The following FLVCR2 variants were observed in gnomAD, a reference collection of about 807,000 sequenced individuals.
FLVCR2 encodes FLVCR choline and putative heme transporter 2.
FLVCR2 carries 38 observed loss-of-function variants against 48.9 expected under a neutral mutation model. The observed-to-expected ratio is 0.78, with a 90% CI of 0.60 to 1.02. FLVCR2 has a LOEUF of 1.02. Among genes scored for constraint, FLVCR2 ranks in the 50% least tolerant of loss-of-function variants. The pLI, the probability that FLVCR2 is intolerant of heterozygous loss-of-function variation, is 0.00. For synonymous variants in FLVCR2, 255 were observed against 257.0 expected (o/e 0.99, Z 0.07); for missense variants, 664 against 663.3 (o/e 1.00, Z -0.01).
intron 1 of FLVCR2, among the ~76,000 whole-genome samples, chr14:75,583,291 G>C (rs1169300271): frequency 6.6e-6 from 1 of 152,154 alleles, no homozygotes; most frequent in Admixed American, 6.5e-5. Context: ...AACCTGGAAG[G>C]CTTGTCCGGT....
intron 1 of FLVCR2, among the ~76,000 whole-genome samples, chr14:75,594,120 A>G (rs1888959069): frequency 6.6e-6 from 1 of 152,348 alleles, no homozygotes; most frequent in East Asian, 1.9e-4. Flanking sequence ...TTGCAAGTAG[A>G]TAACAAGAAT....
At chr14:75,608,165 C>A (rs767069581) in intron 1 of FLVCR2, among the ~76,000 whole-genome samples, 1 of 152,204 alleles carries the variant, frequency 6.6e-6, no homozygotes, top group Non-Finnish European at 1.5e-5. Context: ...GGGGGCCATG[C>A]CCTCCATGTA....
chr14:75,581,738 C>T (rs944339459), intron 1 of FLVCR2, among the ~76,000 whole-genome samples: 5 of 152,092 alleles, frequency 3.3e-5, no homozygotes, highest in Admixed American at 6.5e-5. Flanking sequence ...CAGTCCTGGG[C>T]GGGGGCAAAT....
intron 1 of FLVCR2, among the ~76,000 whole-genome samples, chr14:75,621,579 C>A (rs1889767620): frequency 6.6e-6 from 1 of 152,162 alleles, no homozygotes; most frequent in Admixed American, 6.5e-5. Flanking sequence ...ACACAATAAA[C>A]TGAAGCTTCC....
intron 2 of FLVCR2, among the ~76,000 whole-genome samples, chr14:75,624,329 G>C (rs1174818673): frequency 6.6e-6 from 1 of 151,922 alleles, no homozygotes; most frequent in East Asian, 1.9e-4. Context: ...CGCCAGCCTG[G>C]GTGACAGAGC....
chr14:75,600,769 A>G (rs1889144378), intron 1 of FLVCR2, among the ~76,000 whole-genome samples: 1 of 152,334 alleles, frequency 6.6e-6, no homozygotes, highest in Non-Finnish European at 1.5e-5. Context: ...GGATGCTATT[A>G]ACAGACTAAA....
chr14:75,645,607 A>ACTGCATGT (rs1199007747), intron 9 of FLVCR2, among the ~76,000 whole-genome samples: 20 of 152,166 alleles, frequency 1.3e-4, no homozygotes, highest in Admixed American at 1.0e-3. Flanking sequence ...TTTGGCATCT[A>ACTGCATGT]CTGCATGTTC....
At chr14:75,627,786 C>T (rs529461415) in intron 3 of FLVCR2, among the ~76,000 whole-genome samples, 1 of 152,294 alleles carries the variant, frequency 6.6e-6, no homozygotes, top group African/African-American at 2.4e-5. Flanking sequence ...GAACAAGAGG[C>T]TGCCTGAAAA....
chr14:75,585,579 T>C (rs1302077922), intron 1 of FLVCR2, among the ~76,000 whole-genome samples: 3 of 151,968 alleles, frequency 2.0e-5, no homozygotes, highest in Admixed American at 6.6e-5. Context: ...AGCCCTGGGC[T>C]GTAATGTGGG....
chr14:75,642,977 G>A (rs575248769), intron 9 of FLVCR2, among the ~76,000 whole-genome samples: 6 of 152,150 alleles, frequency 3.9e-5, no homozygotes, highest in South Asian at 2.1e-4. Flanking sequence ...TTCTCATGCC[G>A]CAGTCTCCCA....
Position 75,622,127 on chromosome 14 carries a change from A to G in FLVCR2, c.718A>G (p.Ile240Val). Residue 240 changes from isoleucine to valine, a missense_variant, in exon 2 of 10, where the codon ATT (isoleucine) becomes GTT (valine). Ile to Val is a conservative substitution (Grantham distance 29). Transcript: ENST00000238667. The part of the protein sequence containing the change: ...FLVPPVLVPN[I>V]EDRDELAYHI... ...GGTCCCTCCTGTTTTGGTACCCAAC[A>G]TTGAAGACCGGGACGAGCTTGCCTA... 2.5e-6 allele frequency: 4 copies of G among 1,614,150 alleles called. No homozygotes were observed. Among genetic ancestry groups the G allele is most frequent in the Middle Eastern group, 1.6e-4 (1 of 6,062 alleles).
chr14:75,622,012 CTT>C (rs1889779285), intron 1 of FLVCR2, 65 bp from the exon 2 acceptor site: 1 of 1,509,766 alleles, frequency 6.6e-7, no homozygotes, highest in African/African-American at 1.4e-5. Flanking sequence ...TTAGGAATCT[CTT>C]TACATTTGTG....
At chr14:75,585,175 GAACA>G (rs1364446384) in intron 1 of FLVCR2, among the ~76,000 whole-genome samples, 1 of 152,274 alleles carries the variant, frequency 6.6e-6, no homozygotes, top group East Asian at 1.9e-4. Flanking sequence ...GAGACTGAAG[GAACA>G]GACAGGAGAG....
intron 2 of FLVCR2, among the ~76,000 whole-genome samples, chr14:75,623,171 AG>A (rs1480475361): frequency 1.4e-4 from 22 of 151,998 alleles, no homozygotes; most frequent in African/African-American, 4.4e-4. Context: ...TAGTAGAGAC[AG>A]GGTTTCACTA....
intron 1 of FLVCR2, among the ~76,000 whole-genome samples, chr14:75,618,366 C>G (rs962108163): frequency 9.2e-5 from 14 of 152,090 alleles, no homozygotes; most frequent in Admixed American, 3.9e-4. Context: ...TGTTATGGGA[C>G]AAGTTTGGGA....
chr14:75,585,557 G>C (rs748240190), intron 1 of FLVCR2, among the ~76,000 whole-genome samples: 1 of 152,160 alleles, frequency 6.6e-6, no homozygotes, highest in Non-Finnish European at 1.5e-5. Context: ...CACAGAGAAG[G>C]GGGTGGGGAG....
At chr14:75,605,485 C>T in intron 1 of FLVCR2, 2 of 1,520,984 alleles carry the variant, frequency 1.3e-6, no homozygotes, top group Non-Finnish European at 1.8e-6. Flanking sequence ...GACTTGATTA[C>T]AGGCATCTTT....
In FLVCR2 at chr14:75,578,965, C is replaced by G; in HGVS notation, c.-8C>G. 6.2e-7 allele frequency: 1 copy of G among 1,614,058 alleles called. No homozygotes were observed. The highest frequency in any genetic ancestry group is 8.5e-7 in the Non-Finnish European group (1 of 1,179,908). ...CACTTCTCCAGGATTCCAGAGGAGA[C>G]TGTGGCGATGGTGAATGAAGGTCCC... On this transcript the variant is annotated 5_prime_UTR_variant, in exon 1 of 10. Coordinates refer to ENST00000238667, the MANE Select transcript of FLVCR2 (RefSeq NM_017791.3).
At chr14:75,644,741 G>A (rs1890380726) in intron 9 of FLVCR2, among the ~76,000 whole-genome samples, 1 of 152,112 alleles carries the variant, frequency 6.6e-6, no homozygotes, top group Non-Finnish European at 1.5e-5. Context: ...CATGGCAGCT[G>A]GTGTAACTCA....
Sources: gnomAD v4.1 joint callset for allele counts (sites outside exome capture counted in the v4.1 genomes callset) on GRCh38, gnomAD v4.1.1 for gene constraint, MANE v1.5 for transcripts, NCBI Gene and HGNC (gene_info 2026-07-23, HGNC 2026-07-21) for gene names.